SHANK2: variants seen among roughly 807,000 people sequenced by gnomAD.
SHANK2 encodes the protein SH3 and multiple ankyrin repeat domains 2.
Under a neutral mutation model 133.7 loss-of-function variants are expected in SHANK2, and 43 were observed. The ratio of observed to expected loss-of-function variants is 0.32; its 90% CI spans 0.25 to 0.41. The LOEUF (loss-of-function observed/expected upper bound fraction) is 0.41, where lower values mean the gene tolerates loss of function less well. Among genes scored for constraint, SHANK2 ranks in the 10% least tolerant of loss-of-function variants. The probability of loss-of-function intolerance (pLI) is 1.00; values close to 1 mark genes in which losing one functional copy is unlikely to be tolerated. For missense variants in SHANK2, 1,994 were observed against 2,235.8 expected (o/e 0.89, Z 2.18); for synonymous variants, 1,017 against 952.8 (o/e 1.07, Z -1.24).
At chr11:70,496,999 C>T (rs1423125396) in intron 21 of SHANK2, 3 of 456,602 alleles carry the variant, frequency 6.6e-6, no homozygotes, top group African/African-American at 2.0e-5. Context: ...CTTTCCCTTC[C>T]TAATAACCCC....
intron 10 of SHANK2, among the ~76,000 whole-genome samples, chr11:70,949,199 A>G (rs925030964): frequency 6.6e-6 from 1 of 152,244 alleles, no homozygotes; most frequent in Admixed American, 6.5e-5. Flanking sequence ...AGAAAAGGCT[A>G]AAATCGAAGC....
At chr11:70,758,244 C>T (rs537097665) in intron 14 of SHANK2, among the ~76,000 whole-genome samples, 96 of 152,308 alleles carry the variant, frequency 6.3e-4, no homozygotes, top group Non-Finnish European at 4.6e-4. Flanking sequence ...GGTCCCCTCC[C>T]GTTGTATGGG....
At chr11:70,684,495 G>A (rs1024927063) in intron 15 of SHANK2, among the ~76,000 whole-genome samples, 6 of 152,130 alleles carry the variant, frequency 3.9e-5, no homozygotes, top group Non-Finnish European at 8.8e-5. Context: ...AGGAATTCAA[G>A]GCTGCAATGA....
chr11:70,844,285 C>T (rs1230501136), intron 11 of SHANK2, among the ~76,000 whole-genome samples: 1 of 152,144 alleles, frequency 6.6e-6, no homozygotes, highest in Non-Finnish European at 1.5e-5. Context: ...CAGAGCATGC[C>T]TTGAATAGCA....
At position 70,489,315 on chromosome 11, in the gene SHANK2, A is replaced by G. The variant is rs2058854006; in HGVS notation, c.2572+13T>C. ...ATTCAGATTACAGATTCCAAACCGT[A>G]AGGTTCACTAACCTGATAGAAAGAT... On this transcript the variant is annotated intron_variant, in intron 24 of 25. Coordinates refer to ENST00000601538, the MANE Select transcript of SHANK2 (RefSeq NM_012309.5). 6.2e-7 allele frequency: 1 copy of G among 1,612,518 alleles called. No individual in the cohort carries two copies. The highest frequency in any genetic ancestry group is 1.3e-5 in the African/African-American group (1 of 74,916).
At chr11:70,643,769 T>C (rs1422595004) in intron 17 of SHANK2, among the ~76,000 whole-genome samples, 1 of 152,142 alleles carries the variant, frequency 6.6e-6, no homozygotes, top group Admixed American at 6.5e-5. Flanking sequence ...CTTTCTCTTG[T>C]AGGTGAGCAA....
intron 14 of SHANK2, among the ~76,000 whole-genome samples, chr11:70,745,518 C>G (rs536809562): frequency 6.6e-6 from 1 of 152,234 alleles, no homozygotes; most frequent in South Asian, 2.1e-4. Flanking sequence ...GGCTCTGTCC[C>G]GCCCCTATGA....
intron 9 of SHANK2, among the ~76,000 whole-genome samples, chr11:71,072,057 A>G (rs1057349768): frequency 1.3e-5 from 2 of 152,218 alleles, no homozygotes; most frequent in African/African-American, 4.8e-5. Flanking sequence ...GATCAGAGAA[A>G]GAGAAAAAAG....
In SHANK2 at chr11:70,827,893, C is replaced by T. The variant is rs144879685; in HGVS notation, c.1175-7211G>A. Among the ~76,000 whole-genome samples the T allele has an allele frequency of 3.4e-3, 516 of 152,166 alleles. 1 individual carries two copies. The highest frequency in any genetic ancestry group is 0.012 in the African/African-American group (502 of 41,506). On this transcript the variant is annotated intron_variant, in intron 11 of 25. Coordinates refer to ENST00000601538, the MANE Select transcript of SHANK2 (RefSeq NM_012309.5). Reference sequence around the variant, plus strand: ...TGAAGGCGTACCAGGGACGGGACTGCGGCATGCCTCGGTGAGGGCCTCTGG... The same window carrying T: ...TGAAGGCGTACCAGGGACGGGACTGTGGCATGCCTCGGTGAGGGCCTCTGG...
chr11:71,215,820 AC>A, intron 2 of SHANK2, among the ~76,000 whole-genome samples: 1 of 152,170 alleles, frequency 6.6e-6, no homozygotes, highest in South Asian at 2.1e-4. Flanking sequence ...TCAGACCACA[AC>A]CTTTTTAGGG....
rs1292549561 is a variant in SHANK2, at chr11:70,500,286, G to T, written c.2308+284C>A. 2.0e-5 allele frequency among the ~76,000 whole-genome samples: 3 copies of T among 152,130 alleles called. No homozygotes were observed. The highest frequency in any genetic ancestry group is 4.4e-5 in the Non-Finnish European group (3 of 68,024). ...GCAACCCCCCATCCAGGCAGCCCCA[G>T]CTGAGACCAAACAGGGGTCCGGCCA... On this transcript the variant is annotated intron_variant, in intron 21 of 25. Coordinates refer to ENST00000601538, the MANE Select transcript of SHANK2 (RefSeq NM_012309.5). This position sits in a 1 kb window ranked among gnomAD's most constrained non-coding sequence, Gnocchi z 4.5.
chr11:71,162,152 C>T (rs1555109997), intron 2 of SHANK2, among the ~76,000 whole-genome samples: 1 of 152,158 alleles, frequency 6.6e-6, no homozygotes. Context: ...CTTTTTGTTG[C>T]TATAACAAGA....
chr11:70,494,778 A>C (rs551682024), intron 21 of SHANK2, among the ~76,000 whole-genome samples: 11 of 152,270 alleles, frequency 7.2e-5, no homozygotes, highest in Non-Finnish European at 1.3e-4. Flanking sequence ...AAAGCAAGAA[A>C]GCCCTTGCCC....
At chr11:70,517,140 G>A (rs1171837406) in intron 17 of SHANK2, among the ~76,000 whole-genome samples, 1 of 152,156 alleles carries the variant, frequency 6.6e-6, no homozygotes, top group African/African-American at 2.4e-5. Context: ...ACATCATGTG[G>A]AATTAGCAAA....
At chr11:71,082,763 C>T (rs892312735) in intron 8 of SHANK2, among the ~76,000 whole-genome samples, 1 of 152,124 alleles carries the variant, frequency 6.6e-6, no homozygotes, top group Non-Finnish European at 1.5e-5. Context: ...CACTGTGGCC[C>T]GAAACTATTT....
intron 1 of SHANK2, among the ~76,000 whole-genome samples, chr11:71,243,705 TAAC>T: frequency 6.6e-6 from 1 of 151,890 alleles, no homozygotes; most frequent in South Asian, 2.1e-4. Context: ...AAAAAAATAA[TAAC>T]AATAATAATA....
intron 11 of SHANK2, among the ~76,000 whole-genome samples, chr11:70,844,760 T>G (rs782543430): frequency 1.9e-4 from 29 of 152,188 alleles, no homozygotes; most frequent in Admixed American, 7.2e-4. Context: ...TTTCTTCATT[T>G]GAATATTTTA....
At chr11:70,904,510 GTT>G (rs11336653) in intron 10 of SHANK2, among the ~76,000 whole-genome samples, 1,644 of 136,206 alleles carry the variant, frequency 0.012, 16 homozygotes, top group South Asian at 0.019. Flanking sequence ...GATCTGATGG[GTT>G]TTTTTTTTTT....
intron 17 of SHANK2, chr11:70,633,988 G>A (rs1026965166): frequency 2.0e-5 from 3 of 152,242 alleles, no homozygotes; most frequent in Non-Finnish European, 4.4e-5. Context: ...AACCTACCCT[G>A]TCCCTCTAAC....
Sources: allele counts gnomAD v4.1 joint callset (sites outside exome capture counted in the v4.1 genomes callset), GRCh38; gene constraint gnomAD v4.1.1; non-coding constraint Gnocchi (gnomAD v3.1); transcripts MANE v1.5; gene names NCBI Gene and HGNC (gene_info 2026-07-23, HGNC 2026-07-21).